The following RABGAP1 variants were observed in gnomAD, a reference collection of about 807,000 sequenced individuals.
RABGAP1 encodes rab GTPase-activating protein 1.
RABGAP1 carries 23 observed loss-of-function variants against 137.6 expected under a neutral mutation model. That is an observed-to-expected ratio of 0.17 (90% CI 0.12 to 0.24). The LOEUF is 0.24. Ranked by LOEUF, RABGAP1 falls within the 10% of genes least tolerant of loss-of-function variation. The pLI, the probability that RABGAP1 is intolerant of heterozygous loss-of-function variation, is 1.00. For missense variants in RABGAP1, 906 were observed against 1,275.8 expected (o/e 0.71, Z 4.42); for synonymous variants, 451 against 450.7 (o/e 1.00, Z -0.01).
intron 2 of RABGAP1, among the ~76,000 whole-genome samples, chr9:122,976,395 T>C (rs1250046084): frequency 6.6e-6 from 1 of 152,230 alleles, no homozygotes; most frequent in African/African-American, 2.4e-5. Flanking sequence ...CTTCAAAATA[T>C]ATTGTTTGTG....
At chr9:123,073,987 A>G (rs2034437854) in intron 16 of RABGAP1, among the ~76,000 whole-genome samples, 1 of 152,076 alleles carries the variant, frequency 6.6e-6, no homozygotes, top group African/African-American at 2.4e-5. Context: ...TAGGAATCTC[A>G]TAACAAAAGT....
intron 1 of RABGAP1, among the ~76,000 whole-genome samples, chr9:122,948,932 AT>A (rs1250245567): frequency 6.6e-6 from 1 of 152,232 alleles, no homozygotes; most frequent in Admixed American, 6.5e-5. Flanking sequence ...AAGTAAGGAA[AT>A]GAAATTACTA....
intron 13 of RABGAP1, among the ~76,000 whole-genome samples, chr9:123,040,579 T>C: frequency 6.6e-6 from 1 of 152,218 alleles, no homozygotes; most frequent in East Asian, 1.9e-4. Context: ...CTTAGTAGTC[T>C]GCAAGCCTGC....
intron 2 of RABGAP1, among the ~76,000 whole-genome samples, chr9:122,960,812 TTAA>T (rs1279439091): frequency 6.6e-6 from 1 of 152,054 alleles, no homozygotes; most frequent in Non-Finnish European, 1.5e-5. Context: ...ACAGAGAATA[TTAA>T]TAACGAGATA....
Position 123,010,590 on chromosome 9 carries a change from T to C in RABGAP1, c.1549+62T>C, listed in dbSNP as rs574161993. On this transcript the variant is annotated intron_variant, in intron 11 of 25. Coordinates refer to ENST00000373647, the MANE Select transcript of RABGAP1 (RefSeq NM_012197.4). The stretch of plus-strand genomic sequence containing the variant: ...TGGAAGACCATGCAAACTATTAAAA[T>C]CGTATCAGGGGATTGATAATGTGAT... The C allele has an allele frequency of 6.2e-5, 90 of 1,461,432 alleles. 2 individuals are homozygous for C. The South Asian group carries it at 1.1e-3, about 18-fold the overall frequency. 90.5% of individuals were successfully genotyped at this position (1,461,432 alleles called of 1,614,324 possible). A position where few individuals can be genotyped will look rare whatever the true frequency, so the allele number is the denominator to read the frequency against.
intron 6 of RABGAP1, among the ~76,000 whole-genome samples, chr9:122,995,221 T>A (rs1010152948): frequency 2.6e-5 from 4 of 152,236 alleles, no homozygotes; most frequent in Non-Finnish European, 5.9e-5. Context: ...TATAATAAAG[T>A]TAACAGTGCT....
chr9:123,096,892 G>A (rs1277899570), intron 21 of RABGAP1, among the ~76,000 whole-genome samples: 1 of 152,142 alleles, frequency 6.6e-6, no homozygotes, highest in African/African-American at 2.4e-5. Flanking sequence ...TAAGGACCCA[G>A]CTCTCTGGAA....
intron 3 of RABGAP1, among the ~76,000 whole-genome samples, chr9:122,985,520 C>T (rs554982836): frequency 4.3e-5 from 6 of 140,938 alleles, no homozygotes; most frequent in South Asian, 2.3e-4. Context: ...GCTGAGGCAG[C>T]GGGAATTGCT....
intron 13 of RABGAP1, among the ~76,000 whole-genome samples, chr9:123,030,845 C>T (rs2032261047): frequency 6.6e-6 from 1 of 152,058 alleles, no homozygotes; most frequent in African/African-American, 2.4e-5. Context: ...TTTATAGAGC[C>T]TCCCCAAGTT....
At position 122,953,497 on chromosome 9, in the gene RABGAP1, G is replaced by A. The variant is rs187108948; in HGVS notation, c.-49-3514G>A. Among the ~76,000 whole-genome samples, 690 of 152,134 alleles carry A rather than the reference G, an allele frequency of 4.5e-3. 2 individuals are homozygous for A. Among genetic ancestry groups the A allele is most frequent in the Non-Finnish European group, 7.4e-3 (504 of 67,996 alleles). ...GCTCACTGCAAGCTCTGCCTCCCGG[G>A]TTCAAGCAATTCTCTTGCCTCAGCC... On this transcript the variant is annotated intron_variant, in intron 1 of 25. Transcript: ENST00000373647.
intron 13 of RABGAP1, among the ~76,000 whole-genome samples, chr9:123,057,651 G>T (rs2033785808): frequency 6.6e-6 from 1 of 152,184 alleles, no homozygotes; most frequent in Admixed American, 6.5e-5. Context: ...CAGACAGGGT[G>T]GTGGCCGGGC....
chr9:122,965,603 C>G (rs575852583), intron 2 of RABGAP1, among the ~76,000 whole-genome samples: 1 of 152,108 alleles, frequency 6.6e-6, no homozygotes, highest in Non-Finnish European at 1.5e-5. Context: ...ATGCTGGTCT[C>G]GAACTCCTGA....
At chr9:122,943,647 C>A (rs1247615276) in intron 1 of RABGAP1, among the ~76,000 whole-genome samples, 2 of 152,048 alleles carry the variant, frequency 1.3e-5, no homozygotes, top group Non-Finnish European at 1.5e-5. Context: ...ACTTTGTAGC[C>A]CAGCTTCTTT....
At chr9:123,015,979 A>G (rs1261220352) in intron 12 of RABGAP1, among the ~76,000 whole-genome samples, 1 of 152,182 alleles carries the variant, frequency 6.6e-6, no homozygotes, top group African/African-American at 2.4e-5. Flanking sequence ...TGTTCACACA[A>G]TGCATAGAGC....
At chr9:122,969,307 A>C (rs1392964746) in intron 2 of RABGAP1, among the ~76,000 whole-genome samples, 1 of 152,340 alleles carries the variant, frequency 6.6e-6, no homozygotes, top group East Asian at 1.9e-4. Context: ...ACACTCTATG[A>C]TGTTCATACA....
At chr9:123,006,909 A>G (rs954193884) in intron 10 of RABGAP1, among the ~76,000 whole-genome samples, 2 of 151,978 alleles carry the variant, frequency 1.3e-5, no homozygotes, top group Non-Finnish European at 2.9e-5. Flanking sequence ...GCACCTGACA[A>G]TGTGTAGACT....
chr9:122,992,045 T>C (rs1264849476), intron 6 of RABGAP1, among the ~76,000 whole-genome samples: 1 of 147,232 alleles, frequency 6.8e-6, no homozygotes, highest in Non-Finnish European at 1.5e-5. Context: ...ATTTTCTTTC[T>C]TTTTTTTTTG....
intron 16 of RABGAP1, 48 bp from the exon 17 acceptor site, chr9:123,074,237 A>G (rs768150278): frequency 1.2e-6 from 2 of 1,606,890 alleles, no homozygotes; most frequent in Non-Finnish European, 1.7e-6. Context: ...CTTAGTGGGA[A>G]TTGGACAGAT....
intron 5 of RABGAP1, 47 bp downstream of exon 5, chr9:122,989,518 C>G: frequency 6.5e-7 from 1 of 1,547,056 alleles, no homozygotes; most frequent in African/African-American, 1.4e-5. Flanking sequence ...TTCACCAGTG[C>G]CCTCACTAGG....
Sources: gnomAD v4.1 joint callset for allele counts (sites outside exome capture counted in the v4.1 genomes callset) on GRCh38, gnomAD v4.1.1 for gene constraint, MANE v1.5 for transcripts, NCBI Gene and HGNC (gene_info 2026-07-23, HGNC 2026-07-21) for gene names.